CCDC7: variants seen among roughly 807,000 people sequenced by gnomAD.
CCDC7 encodes coiled-coil domain-containing protein 7.
A neutral mutation model predicts 196.9 loss-of-function variants in CCDC7; 183 were observed. That is an observed-to-expected ratio of 0.93 (90% CI 0.82 to 1.05). CCDC7 has a LOEUF of 1.05. CCDC7 is among the 50% of genes least tolerant of loss of function. The pLI is 0.00. For missense variants in CCDC7, 1,540 were observed against 1,482.2 expected, an observed-to-expected ratio of 1.04 and a Z score of -0.64; for synonymous variants, 525 against 484.6, an observed-to-expected ratio of 1.08 and a Z score of -1.10.
At chr10:32,663,319 ACACT>A (rs1245260747) in intron 20 of CCDC7, among the ~76,000 whole-genome samples, 1 of 152,184 alleles carries the variant, frequency 6.6e-6, no homozygotes, top group African/African-American at 2.4e-5. Flanking sequence ...TGCATTGTAG[ACACT>A]CAGTGCTAGG....
intron 18 of CCDC7, among the ~76,000 whole-genome samples, chr10:32,587,199 G>A (rs886314863): frequency 6.6e-6 from 1 of 152,108 alleles, no homozygotes; most frequent in Non-Finnish European, 1.5e-5. Context: ...AACTCATTAA[G>A]CAATAACTCT....
At chr10:32,469,312 A>G (rs1156299573) in intron 5 of CCDC7, among the ~76,000 whole-genome samples, 1 of 152,248 alleles carries the variant, frequency 6.6e-6, no homozygotes, top group Non-Finnish European at 1.5e-5. Context: ...ATACAGGAGT[A>G]GAAGATAGAG....
intron 21 of CCDC7, among the ~76,000 whole-genome samples, chr10:32,668,169 TTGTC>T (rs986097231): frequency 1.1e-4 from 16 of 152,166 alleles, no homozygotes; most frequent in African/African-American, 3.6e-4. Flanking sequence ...GGCTCTCTGT[TTGTC>T]TGTTATTGGT....
Position 32,691,145 on chromosome 10 carries a change from T to G in CCDC7, c.2344+1982T>G, listed in dbSNP as rs117688816. Among the ~76,000 whole-genome samples, 1,332 of 152,298 alleles carry G rather than the reference T, an allele frequency of 8.7e-3. 12 individuals are homozygous for G. Among genetic ancestry groups the G allele is most frequent in the Non-Finnish European group, 0.011 (763 of 68,036 alleles). ...ATCTTGGCCTAACTCTTAATTTTCTTTATTTTCGAGAGCATGAAGTTTGAG... is the reference window on the plus strand; with the variant it reads ...ATCTTGGCCTAACTCTTAATTTTCTGTATTTTCGAGAGCATGAAGTTTGAG... On this transcript the variant is annotated intron_variant, in intron 23 of 41. Coordinates refer to ENST00000639629, the Ensembl canonical transcript of CCDC7.
At chr10:32,729,946 G>T (rs570383934) in intron 28 of CCDC7, among the ~76,000 whole-genome samples, 83 of 151,744 alleles carry the variant, frequency 5.5e-4, no homozygotes, top group Non-Finnish European at 8.8e-4. Flanking sequence ...TTGTGATTTT[G>T]CTATGTCTAT....
intron 29 of CCDC7, among the ~76,000 whole-genome samples, chr10:32,785,191 C>G (rs1179883318): frequency 6.6e-6 from 1 of 152,132 alleles, no homozygotes; most frequent in Non-Finnish European, 1.5e-5. Context: ...TTATAGAACA[C>G]TTCACTCAAT....
intron 18 of CCDC7, among the ~76,000 whole-genome samples, chr10:32,625,011 A>C (rs200222303): frequency 5.2e-5 from 2 of 38,814 alleles, no homozygotes; most frequent in African/African-American, 1.9e-4. Flanking sequence ...TTTTTTTTTT[A>C]GTTCTTCACT....
chr10:32,457,905 TTATA>T (rs1241325905), intron 3 of CCDC7, among the ~76,000 whole-genome samples: 2 of 152,192 alleles, frequency 1.3e-5, no homozygotes, highest in East Asian at 3.8e-4. Flanking sequence ...TCTGAGTTCC[TTATA>T]TATTTTGAAT....
chr10:32,483,255 A>T (rs1411961778), intron 8 of CCDC7, among the ~76,000 whole-genome samples: 2 of 152,154 alleles, frequency 1.3e-5, no homozygotes, highest in Non-Finnish European at 2.9e-5. Flanking sequence ...GCCAGTGATG[A>T]TGAGCATTTT....
intron 29 of CCDC7, among the ~76,000 whole-genome samples, chr10:32,780,984 T>C (rs376621293): frequency 6.6e-6 from 1 of 152,172 alleles, no homozygotes; most frequent in African/African-American, 2.4e-5. Context: ...GTGGGAACAT[T>C]ACAACCAATT....
Position 32,516,070 on chromosome 10 carries a change from G to GA in CCDC7, c.873-1867dup, listed in dbSNP as rs199590441. Among the ~76,000 whole-genome samples, 568 of 149,942 alleles carry GA rather than the reference G, an allele frequency of 3.8e-3. 3 individuals carry two copies. Among genetic ancestry groups the GA allele is most frequent in the African/African-American group, 0.013 (515 of 40,954 alleles). The stretch of plus-strand genomic sequence containing the variant: ...CTGCAAATGATACTATCAAAAACAT[G>GA]AAAAAAAACCACTCATAGAATATGA... On this transcript the variant is annotated intron_variant, in intron 9 of 41. Coordinates refer to ENST00000639629, the Ensembl canonical transcript of CCDC7.
intron 21 of CCDC7, among the ~76,000 whole-genome samples, chr10:32,678,026 A>G (rs1034505795): frequency 2.0e-5 from 3 of 151,840 alleles, no homozygotes; most frequent in African/African-American, 7.3e-5. Context: ...CAGTTTATCC[A>G]TTGTGTTCCT....
chr10:32,871,174 G>A (rs1258506080), intron 41 of CCDC7, among the ~76,000 whole-genome samples: 2 of 152,168 alleles, frequency 1.3e-5, no homozygotes, highest in Non-Finnish European at 2.9e-5. Context: ...CAGAAGGAAT[G>A]GTACCAGTTC....
chr10:32,799,570 G>A (rs147564915), intron 29 of CCDC7, among the ~76,000 whole-genome samples: 1 of 152,334 alleles, frequency 6.6e-6, no homozygotes, highest in East Asian at 1.9e-4. Flanking sequence ...CTTCTTGGTT[G>A]TAGGAGGGGC....
intron 18 of CCDC7, among the ~76,000 whole-genome samples, chr10:32,592,468 A>G (rs2059867847): frequency 6.6e-6 from 1 of 151,944 alleles, no homozygotes; most frequent in East Asian, 1.9e-4. Context: ...CTACAGCTCT[A>G]AATTTCATTT....
At chr10:32,612,201 C>T (rs1293559512) in intron 18 of CCDC7, among the ~76,000 whole-genome samples, 3 of 152,042 alleles carry the variant, frequency 2.0e-5, no homozygotes, top group Admixed American at 6.6e-5. Flanking sequence ...GGAGTTCACT[C>T]ATGATTTGGC....
At chr10:32,516,954 C>T (rs1199760098) in intron 9 of CCDC7, among the ~76,000 whole-genome samples, 1 of 152,046 alleles carries the variant, frequency 6.6e-6, no homozygotes, top group Non-Finnish European at 1.5e-5. Flanking sequence ...TGTGGGATAT[C>T]CATATAATGG....
At chr10:32,744,388 A>AAAG (rs2074356792) in intron 28 of CCDC7, among the ~76,000 whole-genome samples, 1 of 151,616 alleles carries the variant, frequency 6.6e-6, no homozygotes, top group South Asian at 2.1e-4. Flanking sequence ...AAAAAAAAAA[A>AAAG]GAAACAGCCA....
At chr10:32,852,181 T>C (rs1404885539) in intron 40 of CCDC7, among the ~76,000 whole-genome samples, 1 of 152,248 alleles carries the variant, frequency 6.6e-6, no homozygotes, top group Non-Finnish European at 1.5e-5. Flanking sequence ...CTTCTTGTCT[T>C]GTTGACTACT....
Sources: allele counts gnomAD v4.1 joint callset (sites outside exome capture counted in the v4.1 genomes callset), GRCh38; gene constraint gnomAD v4.1.1; transcripts MANE v1.5; gene names NCBI Gene and HGNC (gene_info 2026-07-23, HGNC 2026-07-21).